The following ASAP2 variants were observed in gnomAD, a reference collection of about 807,000 sequenced individuals.
ASAP2 encodes the protein ArfGAP with SH3 domain, ankyrin repeat and PH domain 2, also known as arf-GAP with SH3 domain, ANK repeat and PH domain-containing protein 2.
A neutral mutation model predicts 131.4 loss-of-function variants in ASAP2; 45 were observed. The observed-to-expected ratio is 0.34, with a 90% CI of 0.27 to 0.44. The LOEUF is 0.44. ASAP2 is among the 20% of genes least tolerant of loss of function. The pLI, the probability that ASAP2 is intolerant of heterozygous loss-of-function variation, is 1.00. For synonymous variants in ASAP2, 510 were observed against 503.0 expected (o/e 1.01, Z -0.19); for missense variants, 1,011 against 1,297.0 (o/e 0.78, Z 3.39).
intron 7 of ASAP2, among the ~76,000 whole-genome samples, chr2:9,331,356 T>C (rs1670826705): frequency 6.6e-6 from 1 of 152,262 alleles, no homozygotes; most frequent in Non-Finnish European, 1.5e-5. Context: ...TTTTCATCTC[T>C]ACCTCTTTCC....
intron 24 of ASAP2, among the ~76,000 whole-genome samples, chr2:9,395,187 T>G (rs938508080): frequency 6.6e-6 from 1 of 152,026 alleles, no homozygotes; most frequent in Non-Finnish European, 1.5e-5. Flanking sequence ...AATAAAGAAT[T>G]TGGGGCCAGG....
chr2:9,388,166 T>G, intron 21 of ASAP2, 128 bp from the exon 22 acceptor site: 1 of 1,213,274 alleles, frequency 8.2e-7, no homozygotes. Context: ...AGGCAACAGT[T>G]GAGAGCTCAA....
intron 1 of ASAP2, among the ~76,000 whole-genome samples, chr2:9,259,317 G>T (rs973903023): frequency 1.3e-5 from 2 of 152,334 alleles, no homozygotes; most frequent in South Asian, 4.1e-4. Context: ...GCCAAGGGCC[G>T]CCATCCCTGC....
At chr2:9,326,402 CA>C (rs1670478507) in intron 6 of ASAP2, among the ~76,000 whole-genome samples, 1 of 152,104 alleles carries the variant, frequency 6.6e-6, no homozygotes, top group African/African-American at 2.4e-5. Flanking sequence ...GCCCTTTCTT[CA>C]AAATTCATTT....
At chr2:9,244,508 A>T (rs1664198845) in intron 1 of ASAP2, among the ~76,000 whole-genome samples, 1 of 152,250 alleles carries the variant, frequency 6.6e-6, no homozygotes, top group African/African-American at 2.4e-5. Flanking sequence ...ATGAGAACAC[A>T]TGCGTAGCTC....
At chr2:9,312,336 T>C (rs1018091984) in intron 3 of ASAP2, among the ~76,000 whole-genome samples, 5 of 152,222 alleles carry the variant, frequency 3.3e-5, no homozygotes, top group Admixed American at 6.5e-5. Flanking sequence ...ATCCCCCTCA[T>C]TGACCTGGCA....
intron 1 of ASAP2, among the ~76,000 whole-genome samples, chr2:9,259,579 T>C (rs1026812684): frequency 6.6e-6 from 1 of 152,154 alleles, no homozygotes; most frequent in African/African-American, 2.4e-5. Context: ...GGAACAAAAA[T>C]GAACAGCACC....
intron 7 of ASAP2, among the ~76,000 whole-genome samples, chr2:9,329,980 C>G (rs1289530255): frequency 6.6e-6 from 1 of 152,224 alleles, no homozygotes; most frequent in African/African-American, 2.4e-5. Context: ...TTCCTTGTGT[C>G]TCTGTGCCAC....
At chr2:9,379,087 G>T in intron 19 of ASAP2, 28 bp downstream of exon 19, 1 of 1,466,730 alleles carries the variant, frequency 6.8e-7, no homozygotes, top group Admixed American at 2.2e-5. Flanking sequence ...CCGGGGGTGG[G>T]CTCAGCTGCA....
At chr2:9,261,321 G>C (rs1316229250) in intron 1 of ASAP2, among the ~76,000 whole-genome samples, 4 of 152,206 alleles carry the variant, frequency 2.6e-5, no homozygotes, top group Non-Finnish European at 5.9e-5. Context: ...CCATTGGCTG[G>C]AGCTCTCCCA....
intron 1 of ASAP2, among the ~76,000 whole-genome samples, chr2:9,274,755 T>C (rs1288133883): frequency 2.6e-5 from 4 of 152,200 alleles, no homozygotes. Flanking sequence ...ACTTGCAATT[T>C]TAATTAAAAA....
At chr2:9,294,179 A>G (rs1247732051) in intron 2 of ASAP2, among the ~76,000 whole-genome samples, 1 of 151,950 alleles carries the variant, frequency 6.6e-6, no homozygotes, top group Non-Finnish European at 1.5e-5. Flanking sequence ...TTGTATTTTT[A>G]GTAGAGACAG....
chr2:9,379,111 CT>C, intron 19 of ASAP2, 52 bp downstream of exon 19: 1 of 1,306,936 alleles, frequency 7.7e-7, no homozygotes, highest in Non-Finnish European at 1.0e-6. Context: ...TGGCCTCTGC[CT>C]CCTGTCTGCC....
chr2:9,241,105 CTG>C (rs1380238845), intron 1 of ASAP2, among the ~76,000 whole-genome samples: 3 of 152,316 alleles, frequency 2.0e-5, no homozygotes, highest in Middle Eastern at 3.4e-3. Context: ...TTAGTGGAAA[CTG>C]TGGAAAATGA....
intron 1 of ASAP2, among the ~76,000 whole-genome samples, chr2:9,213,076 A>G (rs1661714382): frequency 6.6e-6 from 1 of 152,238 alleles, no homozygotes; most frequent in South Asian, 2.1e-4. Flanking sequence ...CAGTTACGTA[A>G]CAACCTTAGG....
intron 12 of ASAP2, among the ~76,000 whole-genome samples, chr2:9,354,237 A>C (rs113133857): frequency 1.5e-3 from 236 of 152,326 alleles, no homozygotes; most frequent in African/African-American, 5.3e-3. Context: ...CCAGGTCCAC[A>C]TGGCAGGTTA....
intron 11 of ASAP2, among the ~76,000 whole-genome samples, chr2:9,350,147 G>A (rs1392888314): frequency 1.3e-5 from 2 of 152,072 alleles, no homozygotes; most frequent in Non-Finnish European, 2.9e-5. Context: ...TAATAAAATA[G>A]CCATTTTTCA....
chr2:9,320,207 G>T, intron 4 of ASAP2, 81 bp from the exon 5 acceptor site: 3 of 1,158,322 alleles, frequency 2.6e-6, no homozygotes, highest in Non-Finnish European at 3.9e-6. Flanking sequence ...CTCCTTTCAG[G>T]GCTAGTACAG....
intron 12 of ASAP2, among the ~76,000 whole-genome samples, chr2:9,353,554 A>T (rs1356948090): frequency 2.1e-5 from 1 of 48,360 alleles, no homozygotes; most frequent in East Asian, 2.8e-4. Context: ...AAGACTGTCT[A>T]AAAAAAAAAA....
Sources: gnomAD v4.1 joint callset for allele counts (sites outside exome capture counted in the v4.1 genomes callset) on GRCh38, gnomAD v4.1.1 for gene constraint, MANE v1.5 for transcripts, NCBI Gene and HGNC (gene_info 2026-07-23, HGNC 2026-07-21) for gene names.